Variants in DOCK10 observed in about 807,000 individuals in gnomAD.
The protein encoded by DOCK10 is dedicator of cytokinesis 10.
Under a neutral mutation model 280.1 loss-of-function variants are expected in DOCK10, and 145 were observed. The ratio of observed to expected loss-of-function variants is 0.52; its 90% CI spans 0.45 to 0.59. The LOEUF (loss-of-function observed/expected upper bound fraction) is 0.59. Among genes scored for constraint, DOCK10 ranks in the 20% least tolerant of loss-of-function variants. The pLI is 0.00. For missense variants in DOCK10, 2,368 were observed against 2,651.7 expected, an observed-to-expected ratio of 0.89 and a Z score of 2.35; for synonymous variants, 915 against 942.2, an observed-to-expected ratio of 0.97 and a Z score of 0.53.
At chr2:224,829,633 CTG>C (rs1166354495) in intron 27 of DOCK10, among the ~76,000 whole-genome samples, 1 of 152,168 alleles carries the variant, frequency 6.6e-6, no homozygotes, top group African/African-American at 2.4e-5. Context: ...TCCATTGTAA[CTG>C]TGAATGGCCA....
chr2:225,033,042 AT>A (rs1378625132), intron 1 of DOCK10, among the ~76,000 whole-genome samples: 13 of 152,202 alleles, frequency 8.5e-5, no homozygotes, highest in Non-Finnish European at 1.9e-4. Context: ...AAACTCTGCC[AT>A]TTTGGTATTT....
intron 1 of DOCK10, among the ~76,000 whole-genome samples, chr2:224,977,102 C>T (rs1403947687): frequency 6.6e-6 from 1 of 152,130 alleles, no homozygotes; most frequent in South Asian, 2.1e-4. Context: ...CCCAACTCAC[C>T]GCAAATTTAG....
Position 224,793,471 on chromosome 2 carries a change from GAAAAT to G in DOCK10, c.5155-19_5155-15del. The G allele has an allele frequency of 6.2e-7, 1 of 1,610,212 alleles. No homozygotes were observed. The highest frequency in any genetic ancestry group is 8.5e-7 in the Non-Finnish European group (1 of 1,177,224). On this transcript the variant is annotated splice_polypyrimidine_tract_variant and intron_variant, in intron 45 of 55. Coordinates refer to ENST00000258390, the MANE Select transcript of DOCK10 (RefSeq NM_014689.3). ...ACACATGGCAGCCTGTAATGAGAAA[GAAAAT>G]AAAGAGGCTCAGGGGATGGAGTTTA...
chr2:224,967,302 T>G lies in DOCK10; in HGVS notation c.124-35634A>C, dbSNP rs183620899. Among the ~76,000 whole-genome samples, 413 of 152,160 alleles carry G rather than the reference T, an allele frequency of 2.7e-3. 1 individual carries two copies. Among genetic ancestry groups the G allele is most frequent in the African/African-American group, 8.0e-3 (333 of 41,542 alleles). The stretch of plus-strand genomic sequence containing the variant: ...TCACCGTGTTAGTCAGGATGGTCTT[T>G]ATCTCCTGACCTTGTGATCTGCCCA... On this transcript the variant is annotated intron_variant, in intron 1 of 55. Coordinates refer to ENST00000258390, the MANE Select transcript of DOCK10 (RefSeq NM_014689.3).
intron 1 of DOCK10, among the ~76,000 whole-genome samples, chr2:224,973,134 A>G (rs983831017): frequency 2.6e-5 from 4 of 152,220 alleles, no homozygotes; most frequent in Non-Finnish European, 5.9e-5. Flanking sequence ...AATAATAGCT[A>G]AAACTTAGTG....
chr2:224,959,915 G>A (rs1466304915), intron 1 of DOCK10, among the ~76,000 whole-genome samples: 1 of 152,094 alleles, frequency 6.6e-6, no homozygotes, highest in African/African-American at 2.4e-5. Context: ...TCATCTGCTG[G>A]AGAAAAAGGC....
chr2:224,960,730 C>CTTTTTTTT lies in DOCK10; in HGVS notation c.124-29070_124-29063dup, dbSNP rs71281764. Among the ~76,000 whole-genome samples, 26 of 70,258 alleles carry CTTTTTTTT rather than the reference C, an allele frequency of 3.7e-4. 4 individuals are homozygous for CTTTTTTTT. Among genetic ancestry groups the CTTTTTTTT allele is most frequent in the African/African-American group, 1.1e-3 (20 of 18,488 alleles). 46.1% of individuals were successfully genotyped at this position (70,258 alleles called of 152,430 possible). A position where few individuals can be genotyped will look rare whatever the true frequency, so the allele number is the denominator to read the frequency against. ...TGCACAATGAACGCATCACCAAATT[C>CTTTTTTTT]TTTTTTTTTTTTTTTTTTTTTTTTT... On this transcript the variant is annotated intron_variant, in intron 1 of 55. Coordinates refer to ENST00000258390, the MANE Select transcript of DOCK10 (RefSeq NM_014689.3).
rs1280297676 is a variant in DOCK10 at position 224,770,552 on chromosome 2, TCTC to T, written c.6295_6297del (p.Glu2099del). The stretch of plus-strand genomic sequence containing the variant: ...CAACAGCGAGAAGCTTACCTGAAGA[TCTC>T]CTTCAAAAGCTTTACTTGGTTGTCA... On this transcript the variant is annotated inframe_deletion, in exon 54 of 56. Transcript: ENST00000258390. The surrounding 1 kb of genome is among the most constrained non-coding windows in gnomAD (Gnocchi z 4.5). 1.9e-6 allele frequency: 3 copies of T among 1,613,214 alleles called. No individual in the cohort carries two copies. The highest frequency in any genetic ancestry group is 1.1e-5 in the South Asian group (1 of 91,064).
chr2:225,042,253 C>CGCT lies in DOCK10; in HGVS notation c.119_121dup (p.Gln40dup), dbSNP rs1171563722. On this transcript the variant is annotated inframe_insertion and splice_region_variant, in exon 1 of 56. Coordinates refer to ENST00000258390, the MANE Select transcript of DOCK10 (RefSeq NM_014689.3). The surrounding 1 kb of genome is among the most constrained non-coding windows in gnomAD (Gnocchi z 5.1). The stretch of plus-strand genomic sequence containing the variant: ...GCGCGGAGGACGCGCCGCACTCACC[C>CGCT]GCTGCTGCTGCCGGCTGCTGACTGC... The CGCT allele has an allele frequency of 3.9e-6, 5 of 1,297,802 alleles. No homozygotes were observed. The East Asian group carries it at 9.5e-5, about 25-fold the overall frequency. 80.4% of individuals were successfully genotyped at this position (1,297,802 alleles called of 1,614,324 possible).
In DOCK10 at chr2:225,035,542, TTATATATATATATATATATATATATATA is replaced by T. The variant is rs57424275; in HGVS notation, c.123+6682_123+6709del. Among the ~76,000 whole-genome samples, 43 of 50,018 alleles carry T rather than the reference TTATATATATATATATATATATATATATA, an allele frequency of 8.6e-4. 2 individuals carry two copies. In the South Asian group the frequency reaches 0.019, roughly 22 times the overall value. The allele number at this position is 50,018 out of a possible 152,430, so 32.8% of individuals were successfully genotyped here. ...TAGATCTTATATGATATGATATATA[TTATATATATATATATATATATATATATA>T]TATATATATATATATATAACACTGA... On this transcript the variant is annotated intron_variant, in intron 1 of 55. Transcript: ENST00000258390.
chr2:224,915,611 A>G (rs1701263436), intron 3 of DOCK10, among the ~76,000 whole-genome samples: 2 of 152,218 alleles, frequency 1.3e-5, no homozygotes, highest in African/African-American at 4.8e-5. Context: ...CCGAGAAAAG[A>G]TATTGCTATC....
intron 19 of DOCK10, 79 bp downstream of exon 19, chr2:224,849,428 G>A: frequency 1.9e-6 from 2 of 1,035,124 alleles, no homozygotes; most frequent in East Asian, 2.6e-5. Flanking sequence ...TAGAGAGAGT[G>A]TTTTTCACTG....
chr2:224,788,950 AT>A (rs1434286217), intron 48 of DOCK10, 113 bp downstream of exon 48: 1 of 652,568 alleles, frequency 1.5e-6, no homozygotes, highest in African/African-American at 1.8e-5. Flanking sequence ...ATTTTGTCTA[AT>A]TAAGTTATAT....
intron 17 of DOCK10, 53 bp from the exon 18 acceptor site, chr2:224,852,495 A>G (rs1040241908): frequency 6.9e-7 from 1 of 1,448,126 alleles, no homozygotes; most frequent in Non-Finnish European, 9.5e-7. Context: ...CAAATAACAT[A>G]AAAAACCCAA....
rs1027678808 is a variant in DOCK10 at position 224,864,717 on chromosome 2, C to T, written c.1480-42G>A. 5 of 1,581,826 alleles carry T rather than the reference C, an allele frequency of 3.2e-6. No homozygotes were observed. In the African/African-American group the frequency reaches 6.9e-5, roughly 22 times the overall value. ...CAGCTAATAAGCATGGAAGAAACCA[C>T]ATTGTAGACATTTACAAAATTCCAT... On this transcript the variant is annotated intron_variant, in intron 12 of 55. Transcript: ENST00000258390.
At chr2:224,868,122 A>G (rs897473850) in intron 11 of DOCK10, among the ~76,000 whole-genome samples, 2 of 152,180 alleles carry the variant, frequency 1.3e-5, no homozygotes, top group Non-Finnish European at 1.5e-5. Flanking sequence ...ATCAACATGC[A>G]AAGGATGGAG....
At chr2:224,867,602 G>A (rs1698013918) in intron 11 of DOCK10, among the ~76,000 whole-genome samples, 1 of 152,218 alleles carries the variant, frequency 6.6e-6, no homozygotes, top group South Asian at 2.1e-4. Flanking sequence ...GTAGGAATTA[G>A]GTACAGAGTT....
chr2:224,921,112 A>AAAAAAAAATATATATATATATATATAT, intron 2 of DOCK10, among the ~76,000 whole-genome samples: 2 of 54,404 alleles, frequency 3.7e-5, no homozygotes, highest in Admixed American at 1.9e-4. Flanking sequence ...AAAAAAAAAA[A>AAAAAAAAATATATATATATATATATAT]ATATATATAT....
intron 50 of DOCK10, among the ~76,000 whole-genome samples, chr2:224,785,948 G>A (rs1691704886): frequency 6.6e-6 from 1 of 152,160 alleles, no homozygotes; most frequent in African/African-American, 2.4e-5. Context: ...TGTAATCCCA[G>A]CATTTTGGAA....
Sources: gnomAD v4.1 joint callset for allele counts (sites outside exome capture counted in the v4.1 genomes callset) on GRCh38, gnomAD v4.1.1 for gene constraint, Gnocchi (gnomAD v3.1) non-coding constraint, MANE v1.5 for transcripts, NCBI Gene and HGNC (gene_info 2026-07-23, HGNC 2026-07-21) for gene names.